The following CHM variants were observed in gnomAD, a reference collection of about 807,000 sequenced individuals.
CHM encodes the protein CHM Rab escort protein, also known as rab proteins geranylgeranyltransferase component A 1.
A neutral mutation model predicts 49.0 loss-of-function variants in CHM; 10 were observed. The observed-to-expected ratio is 0.20, with a 90% CI of 0.13 to 0.35. The LOEUF (loss-of-function observed/expected upper bound fraction) is 0.35. CHM is among the 10% of genes least tolerant of loss of function. CHM has a pLI of 1.00. For synonymous variants in CHM, 184 were observed against 167.5 expected, an observed-to-expected ratio of 1.10 and a Z score of -0.76; for missense variants, 455 against 478.4, an observed-to-expected ratio of 0.95 and a Z score of 0.46.
At chrX:85,965,503 G>A (rs1364358462) in intron 4 of CHM, among the ~76,000 whole-genome samples, 4 of 111,140 alleles carry the variant, frequency 3.6e-5, no homozygotes, top group Non-Finnish European at 7.5e-5. Context: ...CTACCACACT[G>A]CTCCATAGAT....
At chrX:85,882,069 T>C (rs1424225375) in intron 12 of CHM, among the ~76,000 whole-genome samples, 2 of 111,649 alleles carry the variant, frequency 1.8e-5, no homozygotes, top group African/African-American at 6.5e-5. Context: ...TATAAGTCAA[T>C]ATTTACGATG....
intron 8 of CHM, among the ~76,000 whole-genome samples, chrX:85,949,015 C>G (rs1929572862): frequency 9.0e-6 from 1 of 110,809 alleles, no homozygotes; most frequent in Admixed American, 9.7e-5. Context: ...TATTTAACCC[C>G]AAAGTGCTGG....
chrX:85,961,856 C>T (rs968729364), intron 5 of CHM, among the ~76,000 whole-genome samples: 1 of 110,758 alleles, frequency 9.0e-6, no homozygotes, highest in Non-Finnish European at 1.9e-5. Flanking sequence ...ATGAAAATAC[C>T]CAGAAGTCTC....
intron 12 of CHM, 48 bp from the exon 13 acceptor site, chrX:85,879,111 T>C: frequency 4.5e-6 from 4 of 890,824 alleles, no homozygotes; most frequent in Non-Finnish European, 6.5e-6. Flanking sequence ...AAATCTATTT[T>C]ACTTATACTT....
intron 2 of CHM, among the ~76,000 whole-genome samples, chrX:85,994,136 T>A (rs750297562): frequency 8.9e-6 from 1 of 112,243 alleles, no homozygotes; most frequent in East Asian, 2.8e-4. Context: ...ACCAGACAAA[T>A]CTGGATTCAA....
At chrX:85,873,561 T>C (rs1415675201) in intron 13 of CHM, among the ~76,000 whole-genome samples, 1 of 111,535 alleles carries the variant, frequency 9.0e-6, no homozygotes, top group Non-Finnish European at 1.9e-5. Context: ...AGTTATTCAA[T>C]AGTATATACA....
At chrX:85,907,798 T>C (rs982639652) in intron 9 of CHM, among the ~76,000 whole-genome samples, 1 of 112,111 alleles carries the variant, frequency 8.9e-6, no homozygotes, top group Non-Finnish European at 1.9e-5. Context: ...AAAAGGGTTA[T>C]AGCCAGTCTT....
chrX:85,924,074 T>G (rs1225030260), intron 8 of CHM, among the ~76,000 whole-genome samples: 1 of 111,050 alleles, frequency 9.0e-6, no homozygotes, highest in Non-Finnish European at 1.9e-5. Context: ...GATCTTAAAC[T>G]TTACTCTTAA....
intron 4 of CHM, among the ~76,000 whole-genome samples, chrX:85,972,164 T>TA (rs1930959803): frequency 9.0e-6 from 1 of 111,221 alleles, no homozygotes; most frequent in Non-Finnish European, 1.9e-5. Flanking sequence ...AGCAGCTAGA[T>TA]ACAGAGTGTC....
chrX:85,978,704 T>C, intron 4 of CHM, 63 bp downstream of exon 4: 1 of 1,087,876 alleles, frequency 9.2e-7, no homozygotes, highest in Non-Finnish European at 1.3e-6. Context: ...TATTGTTGGC[T>C]TCTTCTAAAG....
chrX:85,879,952 T>C (rs866892861), intron 12 of CHM, among the ~76,000 whole-genome samples: 3 of 106,376 alleles, frequency 2.8e-5, no homozygotes, highest in Middle Eastern at 4.9e-3. Flanking sequence ...CTACTAGAAT[T>C]TTTTTTTTAA....
chrX:85,909,920 A>C (rs1256507293), intron 9 of CHM, among the ~76,000 whole-genome samples: 1 of 111,980 alleles, frequency 8.9e-6, no homozygotes, highest in Non-Finnish European at 1.9e-5. Flanking sequence ...TGATTCTAGA[A>C]GTCTAAAGAC....
chrX:85,965,731 A>C (rs1381884455), intron 4 of CHM, among the ~76,000 whole-genome samples: 1 of 112,017 alleles, frequency 8.9e-6, no homozygotes, highest in Non-Finnish European at 1.9e-5. Context: ...CAATGATAGA[A>C]TAACACTCAA....
intron 2 of CHM, among the ~76,000 whole-genome samples, chrX:86,004,668 G>A: frequency 8.9e-6 from 1 of 112,131 alleles, no homozygotes; most frequent in Middle Eastern, 4.6e-3. Flanking sequence ...GACAAAGAAG[G>A]CCATTACATA....
chrX:86,028,334 A>C (rs1407958250), intron 1 of CHM, among the ~76,000 whole-genome samples: 1 of 111,671 alleles, frequency 9.0e-6, no homozygotes, highest in Non-Finnish European at 1.9e-5. Context: ...AAACAAAAAA[A>C]AGTTCTAGAG....
At chrX:85,891,013 G>A (rs1477616242) in intron 12 of CHM, among the ~76,000 whole-genome samples, 1 of 111,708 alleles carries the variant, frequency 9.0e-6, no homozygotes, top group Non-Finnish European at 1.9e-5. Flanking sequence ...CTCTTGTTAT[G>A]TTTTAGCAAA....
Position 85,864,614 on chromosome X carries a change from G to A in CHM, c.*16C>T. 1 of 1,192,738 alleles carries A rather than the reference G, an allele frequency of 8.4e-7. No homozygotes were observed. Among genetic ancestry groups the A allele is most frequent in the South Asian group, 1.8e-5 (1 of 55,943 alleles). On this transcript the variant is annotated 3_prime_UTR_variant, in exon 15 of 15. Transcript: ENST00000357749. ...CAGAATTTCCAAAGTTGGGTATCCAGTTTGGTGTATATCCATTATTCAGAG... is the reference window on the plus strand; with the variant it reads ...CAGAATTTCCAAAGTTGGGTATCCAATTTGGTGTATATCCATTATTCAGAG...
At chrX:85,969,795 C>T (rs751957526) in intron 4 of CHM, 1 of 111,863 alleles carries the variant, frequency 8.9e-6, no homozygotes, top group South Asian at 3.7e-4. Flanking sequence ...AAAATTAAAT[C>T]CTGTCATTTG....
chrX:85,901,594 C>T (rs1195281697), intron 9 of CHM, among the ~76,000 whole-genome samples: 2 of 111,369 alleles, frequency 1.8e-5, no homozygotes, highest in Non-Finnish European at 3.8e-5. Flanking sequence ...TGATTAAATA[C>T]CTTGCTATAC....
Sources: allele counts gnomAD v4.1 joint callset (sites outside exome capture counted in the v4.1 genomes callset), GRCh38; gene constraint gnomAD v4.1.1; transcripts MANE v1.5; gene names NCBI Gene and HGNC (gene_info 2026-07-23, HGNC 2026-07-21).